The following ANO2 variants were observed in gnomAD, a reference collection of about 807,000 sequenced individuals.
The protein encoded by ANO2 is anoctamin-2.
ANO2 carries 101 observed loss-of-function variants against 124.2 expected under a neutral mutation model. The observed-to-expected ratio is 0.81, with a 90% CI of 0.69 to 0.96. ANO2 has a LOEUF of 0.96. ANO2 is among the 40% of genes least tolerant of loss of function. The probability of loss-of-function intolerance (pLI) is 0.00; values close to 1 mark genes in which losing one functional copy is unlikely to be tolerated. For synonymous variants in ANO2, 486 were observed against 482.5 expected (o/e 1.01, Z -0.09); for missense variants, 1,293 against 1,274.5 (o/e 1.01, Z -0.22).
intron 20 of ANO2, among the ~76,000 whole-genome samples, chr12:5,582,994 C>T (rs181023139): frequency 6.6e-6 from 1 of 152,160 alleles, no homozygotes; most frequent in Non-Finnish European, 1.5e-5. Context: ...GTTTATTTGA[C>T]CTGCTCCCTA....
chr12:5,854,268 TA>T (rs1271484362), intron 3 of ANO2, 127 bp from the exon 4 acceptor site: 3 of 795,188 alleles, frequency 3.8e-6, no homozygotes, highest in Non-Finnish European at 6.0e-6. Context: ...TCGTTCTCTT[TA>T]AAATTCACCA....
intron 3 of ANO2, among the ~76,000 whole-genome samples, chr12:5,871,928 C>T (rs1483943121): frequency 6.6e-6 from 1 of 152,226 alleles, no homozygotes; most frequent in Non-Finnish European, 1.5e-5. Context: ...GAATCTTTCA[C>T]AGGCCTTCCC....
At chr12:5,922,828 G>A (rs1050195945) in intron 1 of ANO2, 24 bp from the exon 2 acceptor site, 1 of 1,472,386 alleles carries the variant, frequency 6.8e-7, no homozygotes, top group Non-Finnish European at 9.0e-7. Context: ...AGACAAGGGA[G>A]GCAAAACAGC....
Position 5,812,958 on chromosome 12 carries a change from A to AAGAG in ANO2, c.893-5594_893-5591dup, listed in dbSNP as rs751014123. ...AGAGGAAGGAAGGAAGGAAAGAAGG[A>AAGAG]AGAGAGGGAGGGAGGAAGGAAGGAA... is the stretch of plus-strand genomic sequence containing the variant. On this transcript the variant is annotated intron_variant, in intron 7 of 24. Transcript: ENST00000682330. Among the ~76,000 whole-genome samples, 137 of 121,666 alleles carry AAGAG rather than the reference A, an allele frequency of 1.1e-3. 1 individual carries two copies. The highest frequency in any genetic ancestry group is 8.3e-3 in the Middle Eastern group (2 of 242). The allele number at this position is 121,666 out of a possible 152,430, so 79.8% of individuals were successfully genotyped here.
At chr12:5,942,877 C>A (rs1942949241) in intron 1 of ANO2, among the ~76,000 whole-genome samples, 1 of 152,186 alleles carries the variant, frequency 6.6e-6, no homozygotes, top group Non-Finnish European at 1.5e-5. Flanking sequence ...CATCACTAAT[C>A]ATCAGGGAAA....
chr12:5,922,766 G>C lies in ANO2; in HGVS notation c.61C>G (p.Pro21Ala), dbSNP rs1261212841. The change falls in exon 2 of 25, where the codon CCT becomes GCT. Residue 21 changes from proline (P) to alanine (A), a missense_variant. By Grantham distance (27) the Pro-to-Ala change is conservative. Transcript: ENST00000682330. ...LLPGSPRRLS[P>A]QAGSRGGQGP... ...TGGCCCCCTCTGGACCCTGCCTGAG[G>C]GCTCAGCCGGCGTGGGGAGCCAGGG... 1.9e-6 allele frequency: 3 copies of C among 1,552,618 alleles called. No individual in the cohort carries two copies. The highest frequency in any genetic ancestry group is 2.6e-6 in the Non-Finnish European group (3 of 1,149,960).
At chr12:5,846,408 T>G (rs1234468115) in intron 4 of ANO2, among the ~76,000 whole-genome samples, 1 of 152,204 alleles carries the variant, frequency 6.6e-6, no homozygotes, top group African/African-American at 2.4e-5. Flanking sequence ...CTCCAAGTTA[T>G]CTTAGAATCT....
chr12:5,687,478 A>G (rs1241425847), intron 14 of ANO2, among the ~76,000 whole-genome samples: 1 of 152,236 alleles, frequency 6.6e-6, no homozygotes, highest in Non-Finnish European at 1.5e-5. Flanking sequence ...TTCCTTGCTT[A>G]AGAAACTCTA....
At position 5,862,570 on chromosome 12, in the gene ANO2, GGGGAGCCCA is replaced by G. The variant is rs2137267590; in HGVS notation, c.535-8438_535-8430del. ...AGCCCAAGTGAAGAGGAAGCAGTGA[GGGGAGCCCA>G]GGGAGACTGAGGAGTCCAACCCTCT... On this transcript the variant is annotated intron_variant, in intron 3 of 24. Transcript: ENST00000682330. The surrounding 1 kb of genome is among the most constrained non-coding windows in gnomAD (Gnocchi z 4.0). Among the ~76,000 whole-genome samples the G allele has an allele frequency of 6.6e-6, 1 of 152,302 alleles. No individual in the cohort carries two copies. The highest frequency in any genetic ancestry group is 2.4e-5 in the African/African-American group (1 of 41,572).
intron 3 of ANO2, among the ~76,000 whole-genome samples, chr12:5,867,399 CAG>C (rs1955454401): frequency 6.6e-6 from 1 of 152,124 alleles, no homozygotes; most frequent in African/African-American, 2.4e-5. Context: ...GTCACAATGA[CAG>C]GGAAACACCA....
chr12:5,766,186 G>C lies in ANO2; in HGVS notation c.1056-15216C>G, dbSNP rs181472712. 7.9e-5 allele frequency among the ~76,000 whole-genome samples: 12 copies of C among 152,256 alleles called. No individual in the cohort carries two copies. In the East Asian group the frequency reaches 2.3e-3, roughly 29 times the overall value. ...GAGCATAGGTATCCGGTATGACCCA[G>C]CAACTCTACTCCCAAGTCTATGCCC... On this transcript the variant is annotated intron_variant, in intron 10 of 24. Coordinates refer to ENST00000682330, the MANE Select transcript of ANO2 (RefSeq NM_001364791.2).
At chr12:5,713,552 C>T (rs1011746079) in intron 14 of ANO2, among the ~76,000 whole-genome samples, 2 of 152,032 alleles carry the variant, frequency 1.3e-5, no homozygotes, top group Non-Finnish European at 2.9e-5. Context: ...ACATTGTCAT[C>T]GGCATTGTGA....
intron 1 of ANO2, among the ~76,000 whole-genome samples, chr12:5,930,971 T>C (rs112035845): frequency 3.4e-3 from 519 of 152,286 alleles, no homozygotes; most frequent in Admixed American, 3.7e-3. Context: ...CCTTTCCTGA[T>C]GATGCCACCA....
In ANO2 at chr12:5,635,599, T is replaced by TCA. The variant is rs60128304; in HGVS notation, c.1621-254_1621-253dup. On this transcript the variant is annotated intron_variant, in intron 15 of 24. Transcript: ENST00000682330. This position sits in a 1 kb window ranked among gnomAD's most constrained non-coding sequence, Gnocchi z 5.2. ...TTTTTGTCAGATTCCAAATGATTTA[T>TCA]CACACACACACACACACACACACAC... is the stretch of plus-strand genomic sequence containing the variant. Among the ~76,000 whole-genome samples, 4,310 of 146,764 alleles carry TCA rather than the reference T, an allele frequency of 0.029. 107 individuals are homozygous for TCA. Among genetic ancestry groups the TCA allele is most frequent in the African/African-American group, 0.068 (2,704 of 39,544 alleles).
At position 5,922,609 on chromosome 12, in the gene ANO2, C is replaced by A; in HGVS notation, c.207+11G>T. The stretch of plus-strand genomic sequence containing the variant: ...GCCTATCCCCCCACCCCACCCCCGC[C>A]CAGTACTCACAGAGCTGCTGCGGGT... On this transcript the variant is annotated intron_variant, in intron 2 of 24. Coordinates refer to ENST00000682330, the MANE Select transcript of ANO2 (RefSeq NM_001364791.2). 6.5e-7 allele frequency: 1 copy of A among 1,530,958 alleles called. No homozygotes were observed. Among genetic ancestry groups the A allele is most frequent in the South Asian group, 1.2e-5 (1 of 83,352 alleles). 94.8% of individuals were successfully genotyped at this position (1,530,958 alleles called of 1,614,324 possible).
At chr12:5,827,860 C>T (rs751468412) in intron 6 of ANO2, 40 bp from the exon 7 acceptor site, 42 of 1,587,888 alleles carry the variant, frequency 2.6e-5, no homozygotes, top group African/African-American at 1.3e-4. Context: ...CTCCTAGTTC[C>T]CCCCCGCCCT....
intron 14 of ANO2, among the ~76,000 whole-genome samples, chr12:5,649,955 G>A (rs1946837483): frequency 6.6e-6 from 1 of 152,162 alleles, no homozygotes; most frequent in Non-Finnish European, 1.5e-5. Flanking sequence ...AGCCACCTAA[G>A]GGTATTTTTA....
chr12:5,705,153 G>C (rs979425295), intron 14 of ANO2, among the ~76,000 whole-genome samples: 2 of 152,230 alleles, frequency 1.3e-5, no homozygotes, highest in Non-Finnish European at 2.9e-5. Flanking sequence ...GGGGAATGGA[G>C]ATTCCATGAT....
Position 5,565,544 on chromosome 12 carries a change from T to A in ANO2, c.2727+14A>T, listed in dbSNP as rs778560942. 1.3e-6 allele frequency: 2 copies of A among 1,577,918 alleles called. No homozygotes were observed. The highest frequency in any genetic ancestry group is 1.7e-6 in the Non-Finnish European group (2 of 1,158,992). On this transcript the variant is annotated intron_variant, in intron 24 of 24. Coordinates refer to ENST00000682330, the MANE Select transcript of ANO2 (RefSeq NM_001364791.2). ...CCGGATTCGAATGGGCTATTCCCTA[T>A]CCCAGCAACTCACCTGGAAGATTAT... is the stretch of plus-strand genomic sequence containing the variant.
Sources: allele counts gnomAD v4.1 joint callset (sites outside exome capture counted in the v4.1 genomes callset), GRCh38; gene constraint gnomAD v4.1.1; non-coding constraint Gnocchi (gnomAD v3.1); transcripts MANE v1.5; gene names NCBI Gene and HGNC (gene_info 2026-07-23, HGNC 2026-07-21).